ATP5F1B: variants seen among roughly 807,000 people sequenced by gnomAD.
The protein encoded by ATP5F1B is ATP synthase F1 subunit beta.
In ATP5F1B, 17 loss-of-function variants were observed where a neutral mutation model predicts 45.9. The ratio of observed to expected loss-of-function variants is 0.37; its 90% CI spans 0.25 to 0.56. The LOEUF is 0.56. Among genes scored for constraint, ATP5F1B ranks in the 20% least tolerant of loss-of-function variants. The pLI, the probability that ATP5F1B is intolerant of heterozygous loss-of-function variation, is 0.80. For missense variants in ATP5F1B, 387 were observed against 673.2 expected (o/e 0.57, Z 4.70); for synonymous variants, 218 against 256.5 (o/e 0.85, Z 1.43).
chr12:56,643,713 TC>T, intron 4 of ATP5F1B, 123 bp downstream of exon 4: 1 of 1,575,226 alleles, frequency 6.3e-7, no homozygotes, highest in South Asian at 1.1e-5. Context: ...TTCAGCAAAC[TC>T]AGAAGAACGA....
Position 56,640,260 on chromosome 12 carries a change from G to A in ATP5F1B, c.1075-68C>T, listed in dbSNP as rs540032255. On this transcript the variant is annotated intron_variant, in intron 7 of 9. Coordinates refer to ENST00000262030, the MANE Select transcript of ATP5F1B (RefSeq NM_001686.4). Reference sequence around the variant, plus strand: ...TTTTTTTTTTTTTTGAGAGGGTCTCGCTCTGTCGCCCAGGCTGGAGTGCAG... The same window carrying A: ...TTTTTTTTTTTTTTGAGAGGGTCTCACTCTGTCGCCCAGGCTGGAGTGCAG... The A allele has an allele frequency of 9.2e-3, 12,429 of 1,357,594 alleles. 85 individuals carry two copies. The highest frequency in any genetic ancestry group is 0.01 in the Non-Finnish European group (10,238 of 992,194). The allele number at this position is 1,357,594 out of a possible 1,614,324, so 84.1% of individuals were successfully genotyped here. A position where few individuals can be genotyped will look rare whatever the true frequency, so the allele number is the denominator to read the frequency against.
rs372963745 is a variant in ATP5F1B, at chr12:56,642,844, T to C, written c.793-13A>G. On this transcript the variant is annotated splice_polypyrimidine_tract_variant and intron_variant, in intron 5 of 9. Coordinates refer to ENST00000262030, the MANE Select transcript of ATP5F1B (RefSeq NM_001686.4). ...ATACCAGCGCTACCTGCAGTAATCA[T>C]ACATAATCGTAAAACCTGACAAAGG... is the stretch of plus-strand genomic sequence containing the variant. The C allele has an allele frequency of 6.9e-5, 112 of 1,613,698 alleles. 1 individual carries two copies. The Admixed American group carries it at 7.2e-4, about 10-fold the overall frequency.
intron 5 of ATP5F1B, 126 bp from the exon 6 acceptor site, chr12:56,642,957 G>T: frequency 9.4e-7 from 1 of 1,067,632 alleles, no homozygotes; most frequent in Non-Finnish European, 1.3e-6. Flanking sequence ...TTGTGTGCAA[G>T]TTTCTTTTCC....
intron 7 of ATP5F1B, among the ~76,000 whole-genome samples, chr12:56,641,089 GCA>G (rs1448885673): frequency 6.6e-6 from 1 of 151,650 alleles, no homozygotes; most frequent in Non-Finnish European, 1.5e-5. Flanking sequence ...AAGAGGCTGG[GCA>G]CAGTGGCTCA....
At chr12:56,645,980 AGACTGAAGGCT>A in exon 1 of ATP5F1B, 1 of 1,588,080 alleles carries the variant, frequency 6.3e-7, no homozygotes, top group South Asian at 1.1e-5. Context: ...GTCCGGGTGG[AGACTGAAGGCT>A]GCAGCAACCG....
rs2137545495 is a variant in ATP5F1B, at chr12:56,642,497, T to A, written c.1035A>T (p.Arg345Ser). 1 of 1,614,130 alleles carries A rather than the reference T, an allele frequency of 6.2e-7. No individual in the cohort carries two copies. Among genetic ancestry groups the A allele is most frequent in the Non-Finnish European group, 8.5e-7 (1 of 1,180,026 alleles). The change falls in exon 7 of 10, where the codon AGA becomes AGT. Residue 345 changes from arginine to serine, a missense_variant. Transcript: ENST00000262030. ...LATDMGTMQERITTTKKGSIT... is the reference protein window; with the variant it reads ...LATDMGTMQESITTTKKGSIT... ...TAGATCCCTTCTTGGTAGTGGTAAT[T>A]CTTTCCTGCATAGTACCCATGTCAG...
chr12:56,645,299 C>T lies in ATP5F1B; in HGVS notation c.182G>A (p.Gly61Glu). Residue 61 changes from glycine to glutamate, a missense_variant, in exon 2 of 10, where the codon GGG becomes GAG. Gly to Glu is a moderately conservative substitution (Grantham distance 98). Around this residue, in one of 6 missense-constraint regions of ATP5F1B, gnomAD observed 113 missense variants for 168.0 expected, o/e 0.67. Transcript: ENST00000262030. The stretch of plus-strand genomic sequence containing the variant: ...TGCGCCAATGACCGCCACGATGCGC[C>T]CGGTGGCGGCGCCTGCTTTTGGCGA... ...SPSPKAGAAT[G>E]RIVAVIGAVV... 1 of 1,614,208 alleles carries T rather than the reference C, an allele frequency of 6.2e-7. No individual in the cohort carries two copies. Among genetic ancestry groups the T allele is most frequent in the Non-Finnish European group, 8.5e-7 (1 of 1,180,018 alleles).
chr12:56,639,569 C>T (rs2950388), intron 8 of ATP5F1B, among the ~76,000 whole-genome samples: 34,168 of 151,768 alleles, frequency 0.23, 4,112 homozygotes, highest in Middle Eastern at 0.31. Flanking sequence ...GTCAGGAGAT[C>T]GAGACCAGCC....
rs1464413305 is a variant in ATP5F1B at position 56,639,310 on chromosome 12, A to G, written c.1288-3T>C. 8.7e-6 allele frequency: 14 copies of G among 1,612,042 alleles called. No individual in the cohort carries two copies. Among genetic ancestry groups the G allele is most frequent in the South Asian group, 5.5e-5 (5 of 91,024 alleles). On this transcript the variant is annotated splice_polypyrimidine_tract_variant and splice_region_variant and intron_variant, in intron 8 of 9. Coordinates refer to ENST00000262030, the MANE Select transcript of ATP5F1B (RefSeq NM_001686.4). Reference sequence around the variant, plus strand: ...ATATCCTGGAGGGATTTGTAGTCCTATGAGAAAAAAGAAGACTGAGTTAAG... The same window carrying G: ...ATATCCTGGAGGGATTTGTAGTCCTGTGAGAAAAAAGAAGACTGAGTTAAG...
Position 56,644,970 on chromosome 12 carries a change from C to T in ATP5F1B, c.311-15G>A. On this transcript the variant is annotated splice_polypyrimidine_tract_variant and intron_variant, in intron 2 of 9. Transcript: ENST00000262030. Reference sequence around the variant, plus strand: ...TGTGCTCTCACCTGTTAGATACAGGCATCGCAGGGTTATACATAAGGATAA... The same window carrying T: ...TGTGCTCTCACCTGTTAGATACAGGTATCGCAGGGTTATACATAAGGATAA... 2 of 1,614,110 alleles carry T rather than the reference C, an allele frequency of 1.2e-6. No individual in the cohort carries two copies. The highest frequency in any genetic ancestry group is 8.5e-7 in the Non-Finnish European group (1 of 1,179,936).
chr12:56,643,465 T>G lies in ATP5F1B; in HGVS notation c.730A>C (p.Asn244His). ...TCAATCATTTCATGGTATAAATCAT[T>G]GCCTTCACGGGTCCTCTCACCAACA... ...AGVGERTREG[N>H]DLYHEMIESG... The change falls in exon 5 of 10, where the codon AAT becomes CAT. Residue 244 changes from asparagine to histidine, a missense_variant. Asn to His is a moderately conservative substitution (Grantham distance 68, BLOSUM62 1). Coordinates refer to ENST00000262030, the MANE Select transcript of ATP5F1B (RefSeq NM_001686.4). The G allele has an allele frequency of 6.2e-7, 1 of 1,614,150 alleles. No homozygotes were observed. The highest frequency in any genetic ancestry group is 8.5e-7 in the Non-Finnish European group (1 of 1,180,032).
chr12:56,643,275 G>T, intron 5 of ATP5F1B, 128 bp downstream of exon 5: 1 of 896,116 alleles, frequency 1.1e-6, no homozygotes, highest in Non-Finnish European at 1.6e-6. Flanking sequence ...CCTGGGACAC[G>T]AAAATGAAAA....
Position 56,639,702 on chromosome 12 carries a change from C to T in ATP5F1B, c.1287+278G>A, listed in dbSNP as rs188614113. 7.4e-4 allele frequency among the ~76,000 whole-genome samples: 110 copies of T among 148,376 alleles called. 2 individuals carry two copies. Among genetic ancestry groups the T allele is most frequent in the Admixed American group, 6.3e-3 (92 of 14,690 alleles). ...AGGAGAATCGCTTGAACCTGGGAGG[C>T]GGAGGTTGCAGTGAGCCGAGATGGC... is the stretch of plus-strand genomic sequence containing the variant. On this transcript the variant is annotated intron_variant, in intron 8 of 9. Coordinates refer to ENST00000262030, the MANE Select transcript of ATP5F1B (RefSeq NM_001686.4).
At chr12:56,642,958 T>C (rs1951523469) in intron 5 of ATP5F1B, 127 bp from the exon 6 acceptor site, 2 of 1,076,064 alleles carry the variant, frequency 1.9e-6, no homozygotes, top group Non-Finnish European at 2.6e-6. Flanking sequence ...TGTGTGCAAG[T>C]TTCTTTTCCC....
Position 56,645,972 on chromosome 12 carries a change from C to A in ATP5F1B, c.-9G>T. 6.3e-7 allele frequency: 1 copy of A among 1,595,222 alleles called. No individual in the cohort carries two copies. Among genetic ancestry groups the A allele is most frequent in the African/African-American group, 1.3e-5 (1 of 74,814 alleles). The stretch of plus-strand genomic sequence containing the variant: ...CCCACAAACCCCAACATGGCGTAGT[C>A]CGGGTGGAGACTGAAGGCTGCAGCA... On this transcript the variant is annotated 5_prime_UTR_variant, in exon 1 of 10. Transcript: ENST00000262030.
In ATP5F1B at chr12:56,645,819, C is replaced by T; in HGVS notation, c.127+18G>A. On this transcript the variant is annotated intron_variant, in intron 1 of 9. Coordinates refer to ENST00000262030, the MANE Select transcript of ATP5F1B (RefSeq NM_001686.4). ...GGGCGGCAAAATGGAACGTTAGCTCCTAGAGAAAAGCACTTACCAGGATGG... is the reference window on the plus strand; with the variant it reads ...GGGCGGCAAAATGGAACGTTAGCTCTTAGAGAAAAGCACTTACCAGGATGG... 2 of 1,606,196 alleles carry T rather than the reference C, an allele frequency of 1.2e-6. No homozygotes were observed. Among genetic ancestry groups the T allele is most frequent in the South Asian group, 2.2e-5 (2 of 89,544 alleles).
intron 8 of ATP5F1B, 21 bp downstream of exon 8, chr12:56,639,959 C>G: frequency 6.2e-7 from 1 of 1,612,642 alleles, no homozygotes; most frequent in Middle Eastern, 1.6e-4. Flanking sequence ...GGACACTGAT[C>G]CCACATAGTA....
intron 5 of ATP5F1B, 111 bp downstream of exon 5, chr12:56,643,291 AC>A: frequency 9.7e-7 from 1 of 1,029,796 alleles, no homozygotes. Context: ...GAAAATATTA[AC>A]ATTTTCTTAA....
chr12:56,643,375 C>T, intron 5 of ATP5F1B, 28 bp downstream of exon 5: 2 of 1,592,240 alleles, frequency 1.3e-6, no homozygotes, highest in Non-Finnish European at 8.6e-7. Context: ...GTAACTACCA[C>T]GTGGACATCA....
Sources: allele counts gnomAD v4.1 joint callset (sites outside exome capture counted in the v4.1 genomes callset), GRCh38; gene constraint gnomAD v4.1.1; regional missense constraint gnomAD v4.1.1; transcripts MANE v1.5; gene names NCBI Gene and HGNC (gene_info 2026-07-23, HGNC 2026-07-21).